Variants in SRR observed in about 807,000 individuals in gnomAD.
SRR encodes serine racemase.
A neutral mutation model predicts 32.7 loss-of-function variants in SRR; 19 were observed. The observed-to-expected ratio is 0.58, with a 90% CI of 0.40 to 0.85. SRR has a LOEUF of 0.85. Ranked by LOEUF, SRR falls within the 40% of genes least tolerant of loss-of-function variation. SRR has a pLI of 0.00. For missense variants in SRR, 373 were observed against 404.7 expected, an observed-to-expected ratio of 0.92 and a Z score of 0.67; for synonymous variants, 142 against 140.9, an observed-to-expected ratio of 1.01 and a Z score of -0.06.
chr17:2,323,427 G>T, intron 7 of SRR, 82 bp downstream of exon 7: 1 of 1,511,358 alleles, frequency 6.6e-7, no homozygotes, highest in South Asian at 1.2e-5. Flanking sequence ...AGTAGCAAGT[G>T]ACCCACGGGA....
At chr17:2,312,044 T>C (rs1273869977) in intron 1 of SRR, among the ~76,000 whole-genome samples, 3 of 151,384 alleles carry the variant, frequency 2.0e-5, no homozygotes, top group Admixed American at 1.3e-4. Flanking sequence ...ACTTCCTCTC[T>C]ACTAAAATAA....
Position 2,324,947 on chromosome 17 carries a change from A to G in SRR, c.*1074A>G. ...GGTTTGTCATCCCTGCCCTAGCCCAATCTGAGGCTAAGATTGGTAAACTGT... is the reference window on the plus strand; with the variant it reads ...GGTTTGTCATCCCTGCCCTAGCCCAGTCTGAGGCTAAGATTGGTAAACTGT... On this transcript the variant is annotated 3_prime_UTR_variant, in exon 8 of 8. Transcript: ENST00000344595. 1 of 1,173,982 alleles carries G rather than the reference A, an allele frequency of 8.5e-7. No individual in the cohort carries two copies. Among genetic ancestry groups the G allele is most frequent in the Non-Finnish European group, 1.2e-6 (1 of 857,932 alleles). The allele number at this position is 1,173,982 out of a possible 1,614,324, so 72.7% of individuals were successfully genotyped here. A position where few individuals can be genotyped will look rare whatever the true frequency, so the allele number is the denominator to read the frequency against.
At chr17:2,319,302 T>C (rs931361833) in intron 4 of SRR, among the ~76,000 whole-genome samples, 2 of 152,192 alleles carry the variant, frequency 1.3e-5, no homozygotes, top group Non-Finnish European at 2.9e-5. Context: ...CAATTTTTAT[T>C]CTTCTAGTTA....
intron 6 of SRR, 80 bp from the exon 7 acceptor site, chr17:2,323,056 C>A: frequency 6.9e-7 from 1 of 1,453,714 alleles, no homozygotes; most frequent in Non-Finnish European, 9.6e-7. Flanking sequence ...TGAGCCACCA[C>A]ACCAGGCCCA....
In SRR at chr17:2,323,785, T is replaced by C; in HGVS notation, c.935T>C (p.Leu312Pro). Residue 312 changes from leucine (L) to proline (P), a missense_variant, in exon 8 of 8, where the codon CTC becomes CCC. Transcript: ENST00000344595. The stretch of plus-strand genomic sequence containing the variant: ...GAAGTAAAGAACATTTGTATTGTGC[T>C]CAGTGGTGGAAATGTAGACTTAACC... The part of the protein sequence containing the change: ...SPEVKNICIV[L>P]SGGNVDLTSS... 6.2e-7 allele frequency: 1 copy of C among 1,614,214 alleles called. No homozygotes were observed. The highest frequency in any genetic ancestry group is 8.5e-7 in the Non-Finnish European group (1 of 1,180,036).
intron 4 of SRR, 146 bp from the exon 5 acceptor site, chr17:2,321,160 G>A: frequency 2.2e-6 from 2 of 929,282 alleles, no homozygotes; most frequent in Non-Finnish European, 3.3e-6. Context: ...CTTGAGGGCA[G>A]GGATATTTTA....
chr17:2,314,582 C>CA lies in SRR; in HGVS notation c.-4-954dup, dbSNP rs35790609. The stretch of plus-strand genomic sequence containing the variant: ...TGGGTGACAGAGCGAGACTCTGTCT[C>CA]AAAAAAAAAAAAAAAAAAAAATTAG... On this transcript the variant is annotated intron_variant, in intron 1 of 7. Coordinates refer to ENST00000344595, the MANE Select transcript of SRR (RefSeq NM_021947.3). Among the ~76,000 whole-genome samples the CA allele has an allele frequency of 3.9e-3, 403 of 102,886 alleles. 1 individual carries two copies. The highest frequency in any genetic ancestry group is 0.023 in the South Asian group (69 of 3,064). 67.5% of individuals were successfully genotyped at this position (102,886 alleles called of 152,430 possible).
At chr17:2,322,520 A>G (rs2075538620) in intron 6 of SRR, 1 of 151,124 alleles carries the variant, frequency 6.6e-6, no homozygotes, top group Non-Finnish European at 1.5e-5. Flanking sequence ...TTTTTTTTTG[A>G]GACGGAGTCT....
chr17:2,315,093 T>A (rs975469416), intron 1 of SRR, among the ~76,000 whole-genome samples: 1 of 150,944 alleles, frequency 6.6e-6, no homozygotes, highest in African/African-American at 2.4e-5. Flanking sequence ...AATATAAAAA[T>A]TAGCTGGGCA....
At chr17:2,313,759 G>A (rs1373256555) in intron 1 of SRR, among the ~76,000 whole-genome samples, 5 of 151,878 alleles carry the variant, frequency 3.3e-5, no homozygotes, top group Admixed American at 6.6e-5. Flanking sequence ...AAAAAATGTT[G>A]ATAAATGTAC....
chr17:2,307,139 A>G, intron 1 of SRR: 1 of 1,209,740 alleles, frequency 8.3e-7, no homozygotes. Flanking sequence ...TATTTTGAAC[A>G]GTATGGAAAA....
intron 2 of SRR, among the ~76,000 whole-genome samples, chr17:2,317,417 C>A (rs1403175022): frequency 6.6e-6 from 1 of 151,700 alleles, no homozygotes; most frequent in East Asian, 2.0e-4. Flanking sequence ...GAAGCTGAGG[C>A]AGGAGAATGG....
intron 1 of SRR, among the ~76,000 whole-genome samples, chr17:2,309,182 C>T (rs1229547872): frequency 6.6e-6 from 1 of 152,084 alleles, no homozygotes; most frequent in Admixed American, 6.6e-5. Context: ...AGGCTGGTCT[C>T]AAACTCCTTG....
At chr17:2,307,582 T>A (rs951558485) in intron 1 of SRR, 1 of 1,029,474 alleles carries the variant, frequency 9.7e-7, no homozygotes, top group East Asian at 2.4e-5. Flanking sequence ...TTTGGACCCA[T>A]GAAGGGAGGA....
chr17:2,324,898 A>C lies in SRR; in HGVS notation c.*1025A>C. On this transcript the variant is annotated 3_prime_UTR_variant, in exon 8 of 8. Coordinates refer to ENST00000344595, the MANE Select transcript of SRR (RefSeq NM_021947.3). ...AAAGTCTTCATTTATTGCCCAGTCC[A>C]TTTAAAGACCCATGCAAGAGCCTGG... 6.6e-7 allele frequency: 1 copy of C among 1,526,424 alleles called. No homozygotes were observed. The highest frequency in any genetic ancestry group is 1.3e-5 in the South Asian group (1 of 76,826). The allele number at this position is 1,526,424 out of a possible 1,614,324, so 94.6% of individuals were successfully genotyped here.
chr17:2,312,233 CTG>C (rs1408717109), intron 1 of SRR, among the ~76,000 whole-genome samples: 1 of 145,868 alleles, frequency 6.9e-6, no homozygotes, highest in Non-Finnish European at 1.5e-5. Context: ...AAAAAAAAGA[CTG>C]AGAAAAGAAC....
intron 7 of SRR, 55 bp from the exon 8 acceptor site, chr17:2,323,600 G>A: frequency 6.3e-7 from 1 of 1,575,988 alleles, no homozygotes; most frequent in Non-Finnish European, 8.7e-7. Flanking sequence ...GAACTTTATA[G>A]GTAAACCAAC....
In SRR at chr17:2,318,828, A is replaced by G. The variant is rs752074719; in HGVS notation, c.298A>G (p.Ile100Val). The change falls in exon 4 of 8, where the codon ATT (isoleucine) becomes GTT (valine). Residue 100 changes from isoleucine (I) to valine (V), a missense_variant and splice_region_variant. Transcript: ENST00000344595. ...TTCCTCTCGTTTTCCTCTCCCAGGA[A>G]TTCCTGCTTATATTGTGGTGCCCCA... ...ALTYAAKLEGIPAYIVVPQTA... is the reference protein window; with the variant it reads ...ALTYAAKLEGVPAYIVVPQTA... 2 of 1,612,062 alleles carry G rather than the reference A, an allele frequency of 1.2e-6. No homozygotes were observed. The highest frequency in any genetic ancestry group is 1.7e-6 in the Non-Finnish European group (2 of 1,178,602).
chr17:2,317,477 A>C (rs2075485495), intron 2 of SRR, among the ~76,000 whole-genome samples: 1 of 151,516 alleles, frequency 6.6e-6, no homozygotes, highest in Non-Finnish European at 1.5e-5. Context: ...GCGCCACTGC[A>C]CTGCAGCCCG....
Sources: allele counts gnomAD v4.1 joint callset (sites outside exome capture counted in the v4.1 genomes callset), GRCh38; gene constraint gnomAD v4.1.1; transcripts MANE v1.5; gene names NCBI Gene and HGNC (gene_info 2026-07-23, HGNC 2026-07-21).